LRP1B: variants seen among roughly 807,000 people sequenced by gnomAD.
LRP1B encodes LDL receptor related protein 1B, also known as low-density lipoprotein receptor-related protein 1B.
In LRP1B, 217 loss-of-function variants were observed where a neutral mutation model predicts 556.6. The ratio of observed to expected loss-of-function variants is 0.39; its 90% CI spans 0.35 to 0.44. The LOEUF is 0.44. Ranked by LOEUF, LRP1B falls within the 20% of genes least tolerant of loss-of-function variation. LRP1B has a pLI of 1.00. For synonymous variants in LRP1B, 2,047 were observed against 1,865.8 expected (o/e 1.10, Z -2.50); for missense variants, 5,053 against 5,620.8 (o/e 0.90, Z 3.23).
chr2:140,323,992 G>T lies in LRP1B; in HGVS notation c.12415C>A (p.Arg4139=). The change falls in exon 81 of 91, where the codon CGA becomes AGA. Residue 4139 remains arginine (R), a synonymous_variant. Transcript: ENST00000389484. ...GAACCATGGCCAAATTTTTGAACTCGAAATACACCATTTTTAGGTCCTGCT... is the reference window on the plus strand; with the variant it reads ...GAACCATGGCCAAATTTTTGAACTCTAAATACACCATTTTTAGGTCCTGCT... ...YGAGPKNGVF[R]VQKFGHGSVE... The T allele has an allele frequency of 6.2e-7, 1 of 1,608,452 alleles. No individual in the cohort carries two copies. Among genetic ancestry groups the T allele is most frequent in the Non-Finnish European group, 8.5e-7 (1 of 1,175,622 alleles).
intron 2 of LRP1B, among the ~76,000 whole-genome samples, chr2:141,566,338 A>T (rs2105255747): frequency 6.6e-6 from 1 of 152,290 alleles, no homozygotes; most frequent in South Asian, 2.1e-4. Flanking sequence ...AAATGAAATT[A>T]TATAAAATCA....
intron 11 of LRP1B, among the ~76,000 whole-genome samples, chr2:141,029,130 G>A (rs1300944722): frequency 6.6e-6 from 1 of 152,064 alleles, no homozygotes; most frequent in African/African-American, 2.4e-5. Context: ...CCATGTCTAG[G>A]GTGTTCAGGG....
chr2:140,546,000 TTGTGTGTGTGTGTGTG>T (rs148045904), intron 43 of LRP1B, among the ~76,000 whole-genome samples: 10 of 142,700 alleles, frequency 7.0e-5, no homozygotes, highest in Admixed American at 2.1e-4. Flanking sequence ...TATTATTAGG[TTGTGTGTGTGTGTGTG>T]TGTGTGTGTG....
chr2:140,370,394 T>C (rs1682942936), intron 71 of LRP1B, among the ~76,000 whole-genome samples: 1 of 152,002 alleles, frequency 6.6e-6, no homozygotes, highest in African/African-American at 2.4e-5. Context: ...TTTGTAGTCA[T>C]GGTTTCATTG....
intron 2 of LRP1B, among the ~76,000 whole-genome samples, chr2:141,692,238 T>A (rs7600343): frequency 1.3e-5 from 2 of 151,966 alleles, no homozygotes; most frequent in Non-Finnish European, 2.9e-5. Context: ...ATGATTTCAA[T>A]CCTCTCAGGA....
At chr2:140,937,190 A>T (rs1174833359) in intron 20 of LRP1B, among the ~76,000 whole-genome samples, 1 of 152,156 alleles carries the variant, frequency 6.6e-6, no homozygotes, top group Non-Finnish European at 1.5e-5. Flanking sequence ...GGAATTGAGG[A>T]ACAAAAAGTA....
chr2:141,189,978 C>G (rs1371046900), intron 6 of LRP1B, among the ~76,000 whole-genome samples: 1 of 35,764 alleles, frequency 2.8e-5, no homozygotes, highest in Non-Finnish European at 7.4e-5. Flanking sequence ...AAGAAAGCAT[C>G]TGTAATAAAC....
intron 43 of LRP1B, among the ~76,000 whole-genome samples, chr2:140,580,752 T>C (rs1681729221): frequency 6.6e-6 from 1 of 152,212 alleles, no homozygotes; most frequent in Non-Finnish European, 1.5e-5. Flanking sequence ...TTTTTATCTT[T>C]TTTAAACAGT....
At chr2:141,362,786 C>A (rs1688876755) in intron 3 of LRP1B, among the ~76,000 whole-genome samples, 1 of 147,808 alleles carries the variant, frequency 6.8e-6, no homozygotes, top group African/African-American at 2.5e-5. Flanking sequence ...AAGAAAGCTT[C>A]TAAAAAGTAA....
rs1689296679 is a variant in LRP1B at position 141,640,663 on chromosome 2, A to G, written c.206-160130T>C. On this transcript the variant is annotated intron_variant, in intron 2 of 90. Coordinates refer to ENST00000389484, the MANE Select transcript of LRP1B (RefSeq NM_018557.3). ...ACAAAAAGTAGCCGGGCATGATGGC[A>G]TGGGCCTGTAATCCCAGATACTCAG... Among the ~76,000 whole-genome samples, 3 of 152,160 alleles carry G rather than the reference A, an allele frequency of 2.0e-5. 1 individual carries two copies. Among genetic ancestry groups the G allele is most frequent in the South Asian group, 4.1e-4 (2 of 4,836 alleles).
At chr2:140,957,723 A>G (rs1025913548) in intron 18 of LRP1B, among the ~76,000 whole-genome samples, 1 of 151,608 alleles carries the variant, frequency 6.6e-6, no homozygotes, top group Non-Finnish European at 1.5e-5. Context: ...CAAAGGCAGT[A>G]AAAGAAAGCT....
chr2:141,696,873 C>T (rs1344547775), intron 2 of LRP1B, among the ~76,000 whole-genome samples: 3 of 151,706 alleles, frequency 2.0e-5, no homozygotes, highest in Non-Finnish European at 2.9e-5. Context: ...TGCCACCTGG[C>T]AATGAGCAAT....
chr2:140,312,516 C>T (rs1448328105), intron 83 of LRP1B, among the ~76,000 whole-genome samples: 1 of 151,886 alleles, frequency 6.6e-6, no homozygotes, highest in African/African-American at 2.4e-5. Context: ...TAGCTGTTAA[C>T]AGCAAAAATG....
chr2:140,316,715 G>A (rs972804033), intron 82 of LRP1B, among the ~76,000 whole-genome samples: 1 of 151,308 alleles, frequency 6.6e-6, no homozygotes, highest in Non-Finnish European at 1.5e-5. Flanking sequence ...AGGTTTGTAT[G>A]ACTAGTAAAT....
At chr2:141,886,890 T>C (rs1006672449) in intron 1 of LRP1B, among the ~76,000 whole-genome samples, 1 of 152,098 alleles carries the variant, frequency 6.6e-6, no homozygotes, top group African/African-American at 2.4e-5. Context: ...TTGGTTGATA[T>C]CGCTGATTCA....
At chr2:141,509,053 G>C (rs1490021801) in intron 2 of LRP1B, among the ~76,000 whole-genome samples, 1 of 152,122 alleles carries the variant, frequency 6.6e-6, no homozygotes, top group Non-Finnish European at 1.5e-5. Context: ...ACAGGAAAGG[G>C]ATAATAATCT....
intron 54 of LRP1B, 52 bp from the exon 55 acceptor site, chr2:140,501,926 A>T: frequency 7.7e-7 from 1 of 1,292,390 alleles, no homozygotes. Context: ...ATTGTTTTAT[A>T]CTACAGTTGT....
intron 1 of LRP1B, among the ~76,000 whole-genome samples, chr2:142,026,014 A>G (rs1703489829): frequency 1.3e-5 from 2 of 152,096 alleles, no homozygotes; most frequent in Admixed American, 1.3e-4. Flanking sequence ...AGAAGAGCCA[A>G]AGAGAAAGTC....
intron 18 of LRP1B, among the ~76,000 whole-genome samples, chr2:140,970,714 CTTTTTTTTTTTTTTTTTTTTTT>C (rs571691521): frequency 1.6e-4 from 2 of 12,246 alleles, no homozygotes; most frequent in African/African-American, 4.7e-4. Context: ...ATTTTTTAAC[CTTTTTTTTTTTTTTTTTTTTTT>C]TTTTTTTTTT....
Sources: gnomAD v4.1 joint callset for allele counts (sites outside exome capture counted in the v4.1 genomes callset) on GRCh38, gnomAD v4.1.1 for gene constraint, MANE v1.5 for transcripts, NCBI Gene and HGNC (gene_info 2026-07-23, HGNC 2026-07-21) for gene names.